The following GPC5 variants were observed in gnomAD, a reference collection of about 807,000 sequenced individuals.
The protein encoded by GPC5 is glypican 5.
A neutral mutation model predicts 53.9 loss-of-function variants in GPC5; 47 were observed. The ratio of observed to expected loss-of-function variants is 0.87; its 90% confidence interval spans 0.69 to 1.11. The LOEUF (loss-of-function observed/expected upper bound fraction) is 1.11. GPC5 is among the 50% of genes most tolerant of loss of function. The pLI is 0.00. For synonymous variants in GPC5, 286 were observed against 263.3 expected (o/e 1.09, Z -0.84); for missense variants, 748 against 713.1 (o/e 1.05, Z -0.56).
chr13:92,667,073 A>G (rs1886597863), intron 7 of GPC5, among the ~76,000 whole-genome samples: 1 of 152,192 alleles, frequency 6.6e-6, no homozygotes, highest in Non-Finnish European at 1.5e-5. Flanking sequence ...ATTCACAAAA[A>G]AAGATATTTT....
chr13:92,008,025 C>A (rs2040623396), intron 6 of GPC5, among the ~76,000 whole-genome samples: 1 of 150,946 alleles, frequency 6.6e-6, no homozygotes, highest in Non-Finnish European at 1.5e-5. Context: ...TGGAACAGTA[C>A]ATGACTTATC....
intron 7 of GPC5, among the ~76,000 whole-genome samples, chr13:92,459,914 G>A (rs562480239): frequency 6.6e-6 from 1 of 151,794 alleles, no homozygotes; most frequent in Admixed American, 6.6e-5. Context: ...ATTTTTTTCT[G>A]CTAGATTGTG....
At chr13:91,885,017 A>G (rs1196700603) in intron 5 of GPC5, among the ~76,000 whole-genome samples, 1 of 152,210 alleles carries the variant, frequency 6.6e-6, no homozygotes, top group Non-Finnish European at 1.5e-5. Context: ...ATACTTTAAC[A>G]ATACTATTGT....
At chr13:92,567,977 T>C (rs1882912141) in intron 7 of GPC5, among the ~76,000 whole-genome samples, 1 of 152,144 alleles carries the variant, frequency 6.6e-6, no homozygotes, top group Admixed American at 6.6e-5. Flanking sequence ...GAAAAAGAAA[T>C]ATTCAGGTTA....
chr13:92,253,883 A>G lies in GPC5; in HGVS notation c.1561+108894A>G, dbSNP rs143708968. Reference sequence around the variant, plus strand: ...AGGGTCCCAAAAGGAATAAATTAGGATAGTTTGAAGAGGATTTGTTACAAA... The same window carrying G: ...AGGGTCCCAAAAGGAATAAATTAGGGTAGTTTGAAGAGGATTTGTTACAAA... On this transcript the variant is annotated intron_variant, in intron 7 of 7. Coordinates refer to ENST00000377067, the MANE Select transcript of GPC5 (RefSeq NM_004466.6). Among the ~76,000 whole-genome samples the G allele has an allele frequency of 5.5e-3, 841 of 152,202 alleles. 12 individuals are homozygous for G. Among genetic ancestry groups the G allele is most frequent in the African/African-American group, 0.02 (812 of 41,538 alleles).
rs1346605033 is a variant in GPC5 at position 91,702,877 on chromosome 13, CT to C, written c.1020+9001del. On this transcript the variant is annotated intron_variant, in intron 3 of 7. Transcript: ENST00000377067. ...TTTGTTAAACTTATTTTCTAAGTGA[CT>C]TTTTGGTAGTGGTTGTGAATGGGAT... Among the ~76,000 whole-genome samples, 19 of 151,942 alleles carry C rather than the reference CT, an allele frequency of 1.3e-4. No homozygotes were observed. In the East Asian group the frequency reaches 3.7e-3, roughly 29 times the overall value.
chr13:91,770,308 C>A (rs546868883), intron 5 of GPC5, among the ~76,000 whole-genome samples: 3 of 152,290 alleles, frequency 2.0e-5, no homozygotes, highest in African/African-American at 7.2e-5. Flanking sequence ...GATTTATATT[C>A]AGGCTTCATC....
chr13:91,907,482 ACTCT>A (rs988534268), intron 5 of GPC5, among the ~76,000 whole-genome samples: 27 of 104,290 alleles, frequency 2.6e-4, no homozygotes, highest in African/African-American at 8.0e-4. Flanking sequence ...ATATTAGGCT[ACTCT>A]CTCTCTCTCT....
At chr13:92,108,048 T>C (rs113586604) in intron 6 of GPC5, among the ~76,000 whole-genome samples, 19 of 152,290 alleles carry the variant, frequency 1.2e-4, no homozygotes, top group Middle Eastern at 3.4e-3. Context: ...TTTCCAGAGC[T>C]AATTCCTGCA....
chr13:91,910,526 T>G (rs2039600004), intron 6 of GPC5, among the ~76,000 whole-genome samples: 1 of 152,112 alleles, frequency 6.6e-6, no homozygotes, highest in Non-Finnish European at 1.5e-5. Flanking sequence ...AAATGCCATC[T>G]CTCACCATAG....
chr13:92,569,217 G>A (rs1004321819), intron 7 of GPC5, among the ~76,000 whole-genome samples: 9 of 151,062 alleles, frequency 6.0e-5, no homozygotes, highest in African/African-American at 1.9e-4. Flanking sequence ...TGAGAATGAT[G>A]ATTTCCAATT....
intron 6 of GPC5, among the ~76,000 whole-genome samples, chr13:92,079,373 T>G (rs2041277313): frequency 6.6e-6 from 1 of 152,192 alleles, no homozygotes; most frequent in South Asian, 2.1e-4. Flanking sequence ...TTGAGTCAGA[T>G]CCCACATCCA....
Position 92,262,465 on chromosome 13 carries a change from C to A in GPC5, c.1561+117476C>A, listed in dbSNP as rs1303928249. Among the ~76,000 whole-genome samples the A allele has an allele frequency of 2.0e-5, 3 of 152,156 alleles. No homozygotes were observed. The East Asian group carries it at 5.8e-4, about 29-fold the overall frequency. On this transcript the variant is annotated intron_variant, in intron 7 of 7. Transcript: ENST00000377067. The stretch of plus-strand genomic sequence containing the variant: ...ATAAAGAAAATAGATGTGCCATTCT[C>A]TAGCTTTCTTTCAGAGTGAAGGAGT...
At chr13:92,445,996 G>A (rs865826905) in intron 7 of GPC5, among the ~76,000 whole-genome samples, 1 of 151,508 alleles carries the variant, frequency 6.6e-6, no homozygotes. Context: ...ATGTTTATTG[G>A]ATATATGAGG....
At chr13:92,092,608 C>T (rs72635467) in intron 6 of GPC5, among the ~76,000 whole-genome samples, 2 of 152,182 alleles carry the variant, frequency 1.3e-5, no homozygotes, top group Non-Finnish European at 2.9e-5. Flanking sequence ...AATGTCATTG[C>T]TATGGAAACT....
chr13:92,431,810 A>T (rs1279334856), intron 7 of GPC5, among the ~76,000 whole-genome samples: 4 of 152,172 alleles, frequency 2.6e-5, no homozygotes, highest in African/African-American at 9.7e-5. Context: ...AAGGCTGTTT[A>T]TGTGTCCTAG....
At chr13:92,018,114 TG>T (rs1379086038) in intron 6 of GPC5, among the ~76,000 whole-genome samples, 1 of 152,104 alleles carries the variant, frequency 6.6e-6, no homozygotes, top group East Asian at 1.9e-4. Context: ...TTCTCAGAAT[TG>T]CCAAATTCAT....
At chr13:92,239,785 C>T (rs988192112) in intron 7 of GPC5, 5 of 152,070 alleles carry the variant, frequency 3.3e-5, no homozygotes, top group African/African-American at 9.7e-5. Flanking sequence ...GGCTGGATTT[C>T]CACCTGCAAA....
chr13:91,854,550 A>G (rs2138898135), intron 5 of GPC5, among the ~76,000 whole-genome samples: 1 of 151,552 alleles, frequency 6.6e-6, no homozygotes, highest in African/African-American at 2.4e-5. Flanking sequence ...CCCCCTCCCC[A>G]AACTACCCTT....
Sources: allele counts gnomAD v4.1 joint callset (sites outside exome capture counted in the v4.1 genomes callset), GRCh38; gene constraint gnomAD v4.1.1; transcripts MANE v1.5; gene names NCBI Gene and HGNC (gene_info 2026-07-23, HGNC 2026-07-21).